The following KLHL29 variants were observed in gnomAD, a reference collection of about 807,000 sequenced individuals.
The protein encoded by KLHL29 is kelch-like protein 29.
A neutral mutation model predicts 80.4 loss-of-function variants in KLHL29; 21 were observed. The ratio of observed to expected loss-of-function variants is 0.26; its 90% CI spans 0.19 to 0.38. KLHL29 has a LOEUF of 0.38. Ranked by LOEUF, KLHL29 falls within the 10% of genes least tolerant of loss-of-function variation. The pLI is 1.00. For missense variants in KLHL29, 867 were observed against 1,223.9 expected (o/e 0.71, Z 4.35); for synonymous variants, 511 against 526.8 (o/e 0.97, Z 0.41).
At chr2:23,574,678 A>C (rs975264558) in intron 3 of KLHL29, among the ~76,000 whole-genome samples, 1 of 152,186 alleles carries the variant, frequency 6.6e-6, no homozygotes, top group Non-Finnish European at 1.5e-5. Flanking sequence ...ACGCTTGAAA[A>C]TGGGGAAAAT....
At chr2:23,563,984 G>T (rs931486023) in intron 3 of KLHL29, among the ~76,000 whole-genome samples, 1 of 152,080 alleles carries the variant, frequency 6.6e-6, no homozygotes, top group South Asian at 2.1e-4. Context: ...GCCCAGTAGG[G>T]CCAGCCGCTG....
chr2:23,600,937 A>G (rs2103523051), intron 3 of KLHL29, among the ~76,000 whole-genome samples: 1 of 152,356 alleles, frequency 6.6e-6, no homozygotes, highest in Non-Finnish European at 1.5e-5. Context: ...GAGTGCCTAC[A>G]GTGTATGTGA....
intron 1 of KLHL29, among the ~76,000 whole-genome samples, chr2:23,439,435 C>T (rs1360359427): frequency 1.3e-5 from 2 of 149,856 alleles, no homozygotes; most frequent in African/African-American, 4.9e-5. Flanking sequence ...CCTGCTTTCT[C>T]TTGTGGGCAT....
chr2:23,437,669 A>G (rs1227560543), intron 1 of KLHL29, among the ~76,000 whole-genome samples: 4 of 152,166 alleles, frequency 2.6e-5, no homozygotes, highest in African/African-American at 9.7e-5. Flanking sequence ...ATTGATCTAT[A>G]TCTCTGTTTT....
intron 3 of KLHL29, among the ~76,000 whole-genome samples, chr2:23,605,808 C>T (rs977201809): frequency 3.3e-5 from 5 of 150,266 alleles, no homozygotes; most frequent in Non-Finnish European, 3.0e-5. Context: ...CTCACTCTGT[C>T]GCCCAGGCTG....
chr2:23,451,446 T>G (rs974529161), intron 1 of KLHL29, among the ~76,000 whole-genome samples: 5 of 152,212 alleles, frequency 3.3e-5, no homozygotes, highest in African/African-American at 2.4e-5. Context: ...TGGACAGCTC[T>G]TCCCATATGA....
In KLHL29 at chr2:23,669,949, A is replaced by G. The variant is rs1309606693; in HGVS notation, c.941-14450A>G. Among the ~76,000 whole-genome samples the G allele has an allele frequency of 6.6e-6, 1 of 152,098 alleles. No individual in the cohort carries two copies. Among genetic ancestry groups the G allele is most frequent in the East Asian group, 1.9e-4 (1 of 5,178 alleles). ...CATGTGGGTAGGGACCCAAGCAGAG[A>G]GGGGTGTCAGTAAAGCCAGAAGCTC... is the stretch of plus-strand genomic sequence containing the variant. On this transcript the variant is annotated intron_variant, in intron 5 of 13. Transcript: ENST00000486442. The surrounding 1 kb of genome is among the most constrained non-coding windows in gnomAD (Gnocchi z 4.3).
chr2:23,428,209 G>A lies in KLHL29; in HGVS notation c.-154+42429G>A, dbSNP rs182825578. ...CCGCAGAAGGCCTTGGAGTGTTGAC[G>A]TGGGCAGGTCTAGGAATCTGCATGG... On this transcript the variant is annotated intron_variant, in intron 1 of 13. Coordinates refer to ENST00000486442, the MANE Select transcript of KLHL29 (RefSeq NM_052920.2). Among the ~76,000 whole-genome samples the A allele has an allele frequency of 9.8e-5, 15 of 152,348 alleles. No individual in the cohort carries two copies. In the East Asian group the frequency reaches 1.2e-3, roughly 12 times the overall value.
intron 2 of KLHL29, among the ~76,000 whole-genome samples, chr2:23,536,924 TCTCTCCCTCTCTCG>T (rs1666683963): frequency 9.8e-6 from 1 of 102,322 alleles, no homozygotes; most frequent in Non-Finnish European, 1.9e-5. Context: ...ACACACTCTC[TCTCTCCCTCTCTCG>T]CTCTCTCTCT....
chr2:23,659,603 C>A (rs1046763459), intron 5 of KLHL29, among the ~76,000 whole-genome samples: 1 of 152,190 alleles, frequency 6.6e-6, no homozygotes, highest in African/African-American at 2.4e-5. Flanking sequence ...GTTCAGCTCC[C>A]GCTTCCCCCA....
intron 1 of KLHL29, among the ~76,000 whole-genome samples, chr2:23,425,915 G>A (rs187225954): frequency 2.0e-5 from 3 of 152,290 alleles, no homozygotes; most frequent in East Asian, 1.9e-4. Context: ...GGAAGAGGCC[G>A]CCCAGGGCCT....
chr2:23,692,669 G>A (rs951980736), intron 7 of KLHL29, among the ~76,000 whole-genome samples: 12 of 152,200 alleles, frequency 7.9e-5, no homozygotes, highest in Non-Finnish European at 1.6e-4. Context: ...AGCATGAAGG[G>A]GAAAGAGTGC....
At chr2:23,496,607 G>C (rs1246610800) in intron 2 of KLHL29, among the ~76,000 whole-genome samples, 7 of 152,216 alleles carry the variant, frequency 4.6e-5, no homozygotes, top group African/African-American at 1.7e-4. Flanking sequence ...AGGGGAGGCA[G>C]TGCAGCCTGG....
chr2:23,407,186 A>G (rs571584940), intron 1 of KLHL29, among the ~76,000 whole-genome samples: 14 of 152,246 alleles, frequency 9.2e-5, no homozygotes, highest in Non-Finnish European at 1.8e-4. Flanking sequence ...TAACGTTGCA[A>G]TGAAATACTG....
intron 1 of KLHL29, among the ~76,000 whole-genome samples, chr2:23,473,651 C>T (rs144807519): frequency 1.3e-5 from 2 of 152,074 alleles, no homozygotes; most frequent in African/African-American, 4.8e-5. Context: ...TTCGGCACAG[C>T]CTGGAAAGGA....
At chr2:23,395,191 A>G (rs888475045) in intron 1 of KLHL29, among the ~76,000 whole-genome samples, 9 of 152,348 alleles carry the variant, frequency 5.9e-5, no homozygotes, top group Admixed American at 5.9e-4. Flanking sequence ...TGAGTGGTCC[A>G]GTCCAGGAAT....
chr2:23,424,625 T>C (rs1662955382), intron 1 of KLHL29, among the ~76,000 whole-genome samples: 1 of 152,176 alleles, frequency 6.6e-6, no homozygotes, highest in African/African-American at 2.4e-5. Flanking sequence ...TGATCCAAGT[T>C]CTTATATAGG....
intron 1 of KLHL29, among the ~76,000 whole-genome samples, chr2:23,458,462 C>T (rs564392178): frequency 6.6e-6 from 1 of 152,380 alleles, no homozygotes; most frequent in East Asian, 1.9e-4. Context: ...TGGCCACAGG[C>T]TATCGCGTGC....
chr2:23,703,743 C>G lies in KLHL29; in HGVS notation c.2324C>G (p.Thr775Arg). The G allele has an allele frequency of 1.3e-6, 2 of 1,537,096 alleles. No individual in the cohort carries two copies. Among genetic ancestry groups the G allele is most frequent in the East Asian group, 2.4e-5 (1 of 40,920 alleles). Residue 775 changes from threonine (T) to arginine (R), a missense_variant, in exon 13 of 14, where the codon ACG becomes AGG. Transcript: ENST00000486442. Reference protein sequence around the residue: ...MIDNKYAPAVTLNGFVFILGG... With the variant: ...MIDNKYAPAVRLNGFVFILGG... Reference sequence around the variant, plus strand: ...GACAACAAGTATGCCCCCGCTGTCACGCTCAATGGCTTCGTTTTCATCCTG... The same window carrying G: ...GACAACAAGTATGCCCCCGCTGTCAGGCTCAATGGCTTCGTTTTCATCCTG...
Sources: gnomAD v4.1 joint callset for allele counts (sites outside exome capture counted in the v4.1 genomes callset) on GRCh38, gnomAD v4.1.1 for gene constraint, Gnocchi (gnomAD v3.1) non-coding constraint, MANE v1.5 for transcripts, NCBI Gene and HGNC (gene_info 2026-07-23, HGNC 2026-07-21) for gene names.